The following NAV3 variants were observed in gnomAD, a reference collection of about 807,000 sequenced individuals.
NAV3 encodes neuron navigator 3.
In NAV3, 87 loss-of-function variants were observed where a neutral mutation model predicts 244.7. That is an observed-to-expected ratio of 0.36 (90% CI 0.30 to 0.42). The LOEUF is 0.42. NAV3 is among the 20% of genes least tolerant of loss of function. NAV3 has a pLI of 1.00. For synonymous variants in NAV3, 1,126 were observed against 1,042.2 expected (o/e 1.08, Z -1.55); for missense variants, 2,663 against 2,893.3 (o/e 0.92, Z 1.83).
chr12:77,721,320 C>T (rs186216776), intron 2 of NAV3, among the ~76,000 whole-genome samples: 105 of 152,134 alleles, frequency 6.9e-4, no homozygotes, highest in Admixed American at 2.2e-3. Flanking sequence ...CAACCTAATT[C>T]GTACAGCTGG....
intron 1 of NAV3, among the ~76,000 whole-genome samples, chr12:77,924,268 G>C (rs1176405049): frequency 1.3e-5 from 2 of 152,150 alleles, no homozygotes; most frequent in East Asian, 3.9e-4. Context: ...GAATAGGTTA[G>C]AGTATATTTT....
chr12:77,708,422 T>C (rs1438092919), intron 2 of NAV3, among the ~76,000 whole-genome samples: 1 of 152,240 alleles, frequency 6.6e-6, no homozygotes. Flanking sequence ...TCTATATCTC[T>C]GTTTTTGTAC....
rs369491005 is a variant in NAV3, at chr12:78,095,078, CACACACACACAT to C, written c.2637-21692_2637-21681del. Among the ~76,000 whole-genome samples the C allele has an allele frequency of 1.3e-4, 17 of 134,680 alleles. 1 individual carries two copies. Among genetic ancestry groups the C allele is most frequent in the Non-Finnish European group, 2.0e-4 (12 of 58,624 alleles). 88.4% of individuals were successfully genotyped at this position (134,680 alleles called of 152,430 possible). On this transcript the variant is annotated intron_variant, in intron 12 of 39. Transcript: ENST00000397909. ...ATATATATATATACACACACACACA[CACACACACACAT>C]ATATATATACACATATATATATACA...
At chr12:77,842,478 A>T (rs935924595) in intron 1 of NAV3, among the ~76,000 whole-genome samples, 1 of 151,614 alleles carries the variant, frequency 6.6e-6, no homozygotes, top group African/African-American at 2.4e-5. Context: ...AAAGGCCAAG[A>T]CTGTGTACGA....
intron 2 of NAV3, among the ~76,000 whole-genome samples, chr12:77,787,714 G>A (rs1870971429): frequency 6.6e-6 from 1 of 152,150 alleles, no homozygotes; most frequent in Admixed American, 6.5e-5. Context: ...AATTCAACAT[G>A]AGATTTGGAT....
intron 2 of NAV3, among the ~76,000 whole-genome samples, chr12:77,808,950 T>A (rs1872137265): frequency 6.6e-6 from 1 of 152,126 alleles, no homozygotes; most frequent in Non-Finnish European, 1.5e-5. Flanking sequence ...CAGTTCGAAT[T>A]TTCCGGTGGC....
chr12:77,813,180 T>C (rs1464668258), intron 2 of NAV3, among the ~76,000 whole-genome samples: 1 of 152,192 alleles, frequency 6.6e-6, no homozygotes, highest in Non-Finnish European at 1.5e-5. Flanking sequence ...CAGTGCCTGG[T>C]TAGAGTTTAC....
chr12:77,952,416 G>A (rs943318108), intron 3 of NAV3, among the ~76,000 whole-genome samples: 5 of 152,036 alleles, frequency 3.3e-5, no homozygotes, highest in Admixed American at 1.3e-4. Context: ...TATTAGTATG[G>A]GTCTACTTCT....
intron 2 of NAV3, among the ~76,000 whole-genome samples, chr12:77,725,747 C>T (rs1472166590): frequency 6.6e-6 from 1 of 151,874 alleles, no homozygotes; most frequent in Non-Finnish European, 1.5e-5. Flanking sequence ...AAATGTTTAT[C>T]TTACTGTTCT....
chr12:77,616,590 C>T (rs559596090), intron 2 of NAV3, among the ~76,000 whole-genome samples: 2 of 152,068 alleles, frequency 1.3e-5, no homozygotes, highest in Non-Finnish European at 2.9e-5. Flanking sequence ...AAATTGGGCT[C>T]AGAAATGTTA....
chr12:77,613,871 C>T (rs981215478), intron 2 of NAV3, among the ~76,000 whole-genome samples: 11 of 152,074 alleles, frequency 7.2e-5, no homozygotes, highest in African/African-American at 2.4e-4. Flanking sequence ...GTCTACCTGA[C>T]GGCCCTTGTT....
intron 8 of NAV3, among the ~76,000 whole-genome samples, chr12:78,018,912 G>C (rs1593292587): frequency 6.6e-6 from 1 of 152,118 alleles, no homozygotes; most frequent in Non-Finnish European, 1.5e-5. Context: ...ATGAAGCCAG[G>C]TGGAAGAACA....
intron 1 of NAV3, among the ~76,000 whole-genome samples, chr12:77,860,809 C>T (rs1023021801): frequency 1.3e-5 from 2 of 151,732 alleles, no homozygotes; most frequent in Non-Finnish European, 3.0e-5. Flanking sequence ...TGGCAATGAA[C>T]GTAGCATTCC....
chr12:78,048,220 C>T (rs567294719), intron 9 of NAV3, among the ~76,000 whole-genome samples: 11 of 152,234 alleles, frequency 7.2e-5, no homozygotes, highest in African/African-American at 1.9e-4. Context: ...TCTGTAAATT[C>T]GTCAAACTCA....
At chr12:77,643,118 C>T (rs1472305307) in intron 2 of NAV3, among the ~76,000 whole-genome samples, 1 of 151,862 alleles carries the variant, frequency 6.6e-6, no homozygotes, top group East Asian at 1.9e-4. Context: ...AAAACATATT[C>T]TCATACTCTA....
chr12:77,824,667 T>C (rs1050514744), intron 2 of NAV3, among the ~76,000 whole-genome samples: 1 of 151,712 alleles, frequency 6.6e-6, no homozygotes, highest in African/African-American at 2.4e-5. Flanking sequence ...CCGAGGAAGG[T>C]GGATTACCTG....
chr12:77,758,699 A>T (rs1869315222), intron 2 of NAV3, among the ~76,000 whole-genome samples: 1 of 152,246 alleles, frequency 6.6e-6, no homozygotes, highest in Non-Finnish European at 1.5e-5. Flanking sequence ...TTATAGGCAG[A>T]AATTGGTCTG....
At chr12:77,648,702 C>A (rs946762825) in intron 2 of NAV3, among the ~76,000 whole-genome samples, 3 of 152,064 alleles carry the variant, frequency 2.0e-5, no homozygotes, top group Non-Finnish European at 4.4e-5. Flanking sequence ...ATTTGCTTGA[C>A]TTTTGCCTCA....
chr12:77,642,492 C>A (rs1872456553), intron 2 of NAV3, among the ~76,000 whole-genome samples: 1 of 152,032 alleles, frequency 6.6e-6, no homozygotes, highest in African/African-American at 2.4e-5. Flanking sequence ...AAGGTTAAAA[C>A]TTTCTATAAG....
Sources: gnomAD v4.1 joint callset for allele counts (sites outside exome capture counted in the v4.1 genomes callset) on GRCh38, gnomAD v4.1.1 for gene constraint, MANE v1.5 for transcripts, NCBI Gene and HGNC (gene_info 2026-07-23, HGNC 2026-07-21) for gene names.